The following PRKAG2 variants were observed in gnomAD, a reference collection of about 807,000 sequenced individuals.
PRKAG2 encodes the protein 5'-AMP-activated protein kinase subunit gamma-2.
In PRKAG2, 26 loss-of-function variants were observed where a neutral mutation model predicts 69.6. The ratio of observed to expected loss-of-function variants is 0.37; its 90% CI spans 0.27 to 0.52. The LOEUF (loss-of-function observed/expected upper bound fraction) is 0.52, where lower values mean the gene tolerates loss of function less well. Ranked by LOEUF, PRKAG2 falls within the 20% of genes least tolerant of loss-of-function variation. PRKAG2 has a pLI of 0.90. For synonymous variants in PRKAG2, 293 were observed against 285.0 expected (o/e 1.03, Z -0.28); for missense variants, 557 against 740.0 (o/e 0.75, Z 2.87).
chr7:151,720,985 A>AGAGGGGATG (rs1309306044), intron 3 of PRKAG2, among the ~76,000 whole-genome samples: 1 of 134,972 alleles, frequency 7.4e-6, no homozygotes, highest in Non-Finnish European at 1.6e-5. Context: ...TGGAGCAGGC[A>AGAGGGGATG]GAGGGGATGG....
intron 4 of PRKAG2, among the ~76,000 whole-genome samples, chr7:151,640,621 C>G (rs573337427): frequency 6.6e-6 from 1 of 152,188 alleles, no homozygotes; most frequent in Non-Finnish European, 1.5e-5. Flanking sequence ...AAGCCTTTCC[C>G]GATTCTTTTC....
At chr7:151,870,178 C>G (rs914732540) in intron 1 of PRKAG2, among the ~76,000 whole-genome samples, 12 of 151,608 alleles carry the variant, frequency 7.9e-5, no homozygotes, top group African/African-American at 2.4e-4. Flanking sequence ...GGCAGGCAGG[C>G]AGGCAGGCAG....
At chr7:151,829,354 A>G (rs2078971855) in intron 1 of PRKAG2, among the ~76,000 whole-genome samples, 1 of 152,334 alleles carries the variant, frequency 6.6e-6, no homozygotes, top group East Asian at 1.9e-4. Context: ...AGAACATAAG[A>G]GAGACAATTA....
At position 151,614,826 on chromosome 7, in the gene PRKAG2, C is replaced by T. The variant is rs1164298487; in HGVS notation, c.754+17243G>A. Among the ~76,000 whole-genome samples the T allele has an allele frequency of 6.6e-6, 1 of 152,254 alleles. No homozygotes were observed. The highest frequency in any genetic ancestry group is 1.5e-5 in the Non-Finnish European group (1 of 68,046). ...CAAACTCCTTGCCGACCACTGATCACTTGGCACTGGGCTCTCAGCCCCAGT... is the reference window on the plus strand; with the variant it reads ...CAAACTCCTTGCCGACCACTGATCATTTGGCACTGGGCTCTCAGCCCCAGT... On this transcript the variant is annotated intron_variant, in intron 5 of 15. Transcript: ENST00000287878. This position sits in a 1 kb window ranked among gnomAD's most constrained non-coding sequence, Gnocchi z 4.4.
At chr7:151,831,357 C>CAA (rs2079021992) in intron 1 of PRKAG2, among the ~76,000 whole-genome samples, 1 of 152,108 alleles carries the variant, frequency 6.6e-6, no homozygotes, top group Non-Finnish European at 1.5e-5. Context: ...GATGAATGAG[C>CAA]AAAACATGGT....
At chr7:151,700,577 G>C (rs536106952) in intron 3 of PRKAG2, among the ~76,000 whole-genome samples, 1 of 152,302 alleles carries the variant, frequency 6.6e-6, no homozygotes, top group Admixed American at 6.5e-5. Context: ...AACTGGGATG[G>C]AGGTCCAGAA....
rs2079126901 is a variant in PRKAG2 at position 151,835,518 on chromosome 7, C to T, written c.114+40989G>A. ...ACCCTTAGAAAGTTTTCAGAAATTG[C>T]TCTTGTCTGCCTGCTTACCCTTCCG... On this transcript the variant is annotated intron_variant, in intron 1 of 15. Transcript: ENST00000287878. This position sits in a 1 kb window ranked among gnomAD's most constrained non-coding sequence, Gnocchi z 4.1. Among the ~76,000 whole-genome samples, 1 of 152,074 alleles carries T rather than the reference C, an allele frequency of 6.6e-6. No homozygotes were observed. Among genetic ancestry groups the T allele is most frequent in the African/African-American group, 2.4e-5 (1 of 41,396 alleles).
intron 4 of PRKAG2, among the ~76,000 whole-genome samples, chr7:151,673,630 CAAG>C (rs1484601071): frequency 5.3e-5 from 8 of 152,074 alleles, no homozygotes; most frequent in Non-Finnish European, 4.4e-5. Context: ...ACTGAATGAA[CAAG>C]AATAGGAATA....
In PRKAG2 at chr7:151,786,529, A is replaced by G; in HGVS notation, c.127T>C (p.Phe43Leu). Reference sequence around the variant, plus strand: ...TCTCCGTCCAGGAGCGGCATGGCGAAGGAGCTCAGGTCCTAGGGTGGACAG... The same window carrying G: ...TCTCCGTCCAGGAGCGGCATGGCGAGGGAGCTCAGGTCCTAGGGTGGACAG... The part of the protein sequence containing the change: ...LRVHIPDLSS[F>L]AMPLLDGDLE... The change falls in exon 2 of 16, where the codon TTC (phenylalanine) becomes CTC (leucine). Residue 43 changes from phenylalanine (F) to leucine (L), a missense_variant. Phe to Leu is a conservative substitution (Grantham distance 22). Around this residue, in one of 2 missense-constraint regions of PRKAG2, gnomAD observed 352 missense variants for 356.7 expected, o/e 0.99. Coordinates refer to ENST00000287878, the MANE Select transcript of PRKAG2 (RefSeq NM_016203.4). The G allele has an allele frequency of 1.2e-6, 2 of 1,612,772 alleles. No homozygotes were observed. Among genetic ancestry groups the G allele is most frequent in the Non-Finnish European group, 1.7e-6 (2 of 1,179,562 alleles).
At chr7:151,710,061 A>G (rs1473137291) in intron 3 of PRKAG2, among the ~76,000 whole-genome samples, 2 of 152,182 alleles carry the variant, frequency 1.3e-5, no homozygotes, top group African/African-American at 4.8e-5. Flanking sequence ...AGCCCAGTGA[A>G]TAGAAACTGC....
At chr7:151,847,569 C>T (rs1488918352) in intron 1 of PRKAG2, among the ~76,000 whole-genome samples, 1 of 152,160 alleles carries the variant, frequency 6.6e-6, no homozygotes, top group African/African-American at 2.4e-5. Flanking sequence ...CTTCCCAGCC[C>T]CATCACTCAT....
intron 4 of PRKAG2, among the ~76,000 whole-genome samples, chr7:151,655,001 T>C (rs1423266157): frequency 1.3e-5 from 2 of 152,162 alleles, no homozygotes; most frequent in Non-Finnish European, 2.9e-5. Flanking sequence ...CTGGGATACG[T>C]TGTTGTTGAA....
intron 5 of PRKAG2, among the ~76,000 whole-genome samples, chr7:151,620,994 C>T (rs372263736): frequency 2.6e-5 from 4 of 152,238 alleles, no homozygotes; most frequent in African/African-American, 9.6e-5. Context: ...CTGGGATTAC[C>T]GGCAAGAGCT....
intron 1 of PRKAG2, among the ~76,000 whole-genome samples, chr7:151,851,419 C>T (rs2079566581): frequency 6.6e-6 from 1 of 152,182 alleles, no homozygotes; most frequent in African/African-American, 2.4e-5. Flanking sequence ...GCCCGATCCC[C>T]ACCTCGCTGT....
chr7:151,823,552 C>A (rs553951355), intron 1 of PRKAG2, among the ~76,000 whole-genome samples: 1 of 151,722 alleles, frequency 6.6e-6, no homozygotes, highest in South Asian at 2.1e-4. Flanking sequence ...GGAGATGGAA[C>A]CTCACTCACC....
At chr7:151,773,938 C>T (rs373605580) in intron 3 of PRKAG2, among the ~76,000 whole-genome samples, 4 of 152,120 alleles carry the variant, frequency 2.6e-5, no homozygotes, top group Admixed American at 6.5e-5. Flanking sequence ...AGTGTGGAAG[C>T]GGCAGGAGAG....
chr7:151,616,974 A>T (rs1038722432), intron 5 of PRKAG2, among the ~76,000 whole-genome samples: 20 of 152,036 alleles, frequency 1.3e-4, no homozygotes, highest in African/African-American at 4.3e-4. Flanking sequence ...AACGCACACT[A>T]CTAGGCCGGG....
rs1805360061 is a variant in PRKAG2 at position 151,562,803 on chromosome 7, T to A, written c.1584+1275A>T. ...TGACAAGGTGAAACCCCGTCTCTAC[T>A]AAAAATACAAAAAATTAGGCGGGCG... On this transcript the variant is annotated intron_variant, in intron 14 of 15. Coordinates refer to ENST00000287878, the MANE Select transcript of PRKAG2 (RefSeq NM_016203.4). 3.9e-5 allele frequency among the ~76,000 whole-genome samples: 5 copies of A among 128,476 alleles called. No homozygotes were observed. The South Asian group carries it at 1.2e-3, about 31-fold the overall frequency. The allele number at this position is 128,476 out of a possible 152,430, so 84.3% of individuals were successfully genotyped here. A position where few individuals can be genotyped will look rare whatever the true frequency, so the allele number is the denominator to read the frequency against.
At chr7:151,606,782 T>C (rs987476186) in intron 5 of PRKAG2, among the ~76,000 whole-genome samples, 10 of 152,272 alleles carry the variant, frequency 6.6e-5, no homozygotes, top group Admixed American at 3.3e-4. Flanking sequence ...ATCCTACCAC[T>C]GCACTCCAGT....
Sources: allele counts gnomAD v4.1 joint callset (sites outside exome capture counted in the v4.1 genomes callset), GRCh38; gene constraint gnomAD v4.1.1; regional missense constraint gnomAD v4.1.1; non-coding constraint Gnocchi (gnomAD v3.1); transcripts MANE v1.5; gene names NCBI Gene and HGNC (gene_info 2026-07-23, HGNC 2026-07-21).